The following STAB2 variants were observed in gnomAD, a reference collection of about 807,000 sequenced individuals.
The protein encoded by STAB2 is stabilin 2, also known as stabilin-2.
Under a neutral mutation model 338.1 loss-of-function variants are expected in STAB2, and 288 were observed. That is an observed-to-expected ratio of 0.85 (90% confidence interval 0.77 to 0.94). STAB2 has a LOEUF of 0.94. Ranked by LOEUF, STAB2 falls within the 40% of genes least tolerant of loss-of-function variation. The pLI, the probability that STAB2 is intolerant of heterozygous loss-of-function variation, is 0.00. For synonymous variants in STAB2, 1,202 were observed against 1,193.3 expected, an observed-to-expected ratio of 1.01 and a Z score of -0.15; for missense variants, 3,141 against 3,210.1, an observed-to-expected ratio of 0.98 and a Z score of 0.52.
Position 103,674,058 on chromosome 12 carries a change from CA to C in STAB2, c.2524del (p.Thr842ProfsTer33). The part of the protein sequence containing the change: ...PYVQFCHIHA[T>X]CEYSNGTASC... ...ACGTGCAGTTCTGTCACATCCACGC[CA>C]CCTGTGAATACAGCAATGGGACAGC... On this transcript the variant is annotated frameshift_variant, in exon 23 of 69. Transcript: ENST00000388887. LOFTEE classifies it high-confidence loss of function. The C allele has an allele frequency of 6.2e-7, 1 of 1,613,290 alleles. No homozygotes were observed. Among genetic ancestry groups the C allele is most frequent in the South Asian group, 1.1e-5 (1 of 91,066 alleles).
chr12:103,637,258 C>T (rs1957563293), intron 7 of STAB2, 22 bp downstream of exon 7: 2 of 1,604,616 alleles, frequency 1.2e-6, no homozygotes, highest in African/African-American at 1.3e-5. Flanking sequence ...TTAGATTCTG[C>T]TAGTTTATTC....
chr12:103,664,453 G>A (rs1436685064), intron 18 of STAB2, among the ~76,000 whole-genome samples: 2 of 152,150 alleles, frequency 1.3e-5, no homozygotes, highest in Admixed American at 6.5e-5. Flanking sequence ...CAGTTCAGCC[G>A]GTTTTAATCA....
rs761494097 is a variant in STAB2 at position 103,740,709 on chromosome 12, T to A, written c.5834T>A (p.Ile1945Lys). 1 of 1,606,738 alleles carries A rather than the reference T, an allele frequency of 6.2e-7. No individual in the cohort carries two copies. Among genetic ancestry groups the A allele is most frequent in the South Asian group, 1.1e-5 (1 of 89,662 alleles). Residue 1945 changes from isoleucine to lysine, a missense_variant, in exon 55 of 69, where the codon ATA becomes AAA. Ile to Lys is a moderately radical substitution (Grantham distance 102). Transcript: ENST00000388887. ...EGCRERCSLV[I>K]QIPRCCKGYF... is the part of the protein sequence containing the mutation. The stretch of plus-strand genomic sequence containing the variant: ...TGCCGGGAGCGGTGCAGCCTGGTGA[T>A]ACAGATCCCCAGGTGCTGCAAGGGC...
At chr12:103,747,775 A>T (rs1286554836) in intron 58 of STAB2, among the ~76,000 whole-genome samples, 1 of 152,132 alleles carries the variant, frequency 6.6e-6, no homozygotes. Context: ...TGGGCAGATC[A>T]CTTGAGGTCA....
At chr12:103,754,130 C>G (rs751039134) in intron 61 of STAB2, among the ~76,000 whole-genome samples, 27 of 152,080 alleles carry the variant, frequency 1.8e-4, no homozygotes, top group Non-Finnish European at 3.7e-4. Context: ...CAAATCTCTA[C>G]TTTTTCAGAC....
At chr12:103,714,154 A>AT (rs747092066) in intron 42 of STAB2, among the ~76,000 whole-genome samples, 85 of 151,502 alleles carry the variant, frequency 5.6e-4, no homozygotes, top group South Asian at 1.7e-3. Context: ...GCCTACATGT[A>AT]TTTTTTTTTA....
chr12:103,625,495 A>T (rs1224807874), intron 5 of STAB2, among the ~76,000 whole-genome samples: 4 of 152,284 alleles, frequency 2.6e-5, no homozygotes, highest in African/African-American at 7.2e-5. Context: ...TATCTCCTAA[A>T]GCTATCCCTC....
chr12:103,715,713 G>A (rs556255839), intron 42 of STAB2, 102 bp from the exon 43 acceptor site: 65 of 1,315,918 alleles, frequency 4.9e-5, no homozygotes, highest in Admixed American at 8.9e-5. Context: ...TTTGACACCC[G>A]CTCCCTTCAG....
Position 103,712,321 on chromosome 12 carries a change from G to A in STAB2, c.4335-46G>A, listed in dbSNP as rs116487150. 2,724 of 1,413,876 alleles carry A rather than the reference G, an allele frequency of 1.9e-3. 44 individuals carry two copies. In the African/African-American group the frequency reaches 0.034, roughly 18 times the overall value. 87.6% of individuals were successfully genotyped at this position (1,413,876 alleles called of 1,614,324 possible). ...GGCATTTGTGAGTCATGTGGTGGGA[G>A]GTGGAGTATTTTTCTACAAACCCCA... On this transcript the variant is annotated intron_variant, in intron 40 of 68. Coordinates refer to ENST00000388887, the MANE Select transcript of STAB2 (RefSeq NM_017564.10).
chr12:103,702,486 A>C (rs561277319), intron 34 of STAB2, among the ~76,000 whole-genome samples: 216 of 151,834 alleles, frequency 1.4e-3, no homozygotes, highest in South Asian at 3.1e-3. Context: ...TTTTTAGTAG[A>C]GACGGGGTTT....
In STAB2 at chr12:103,695,620, A is replaced by G. The variant is rs1437291630; in HGVS notation, c.3446A>G (p.Asp1149Gly). 1 of 1,614,206 alleles carries G rather than the reference A, an allele frequency of 6.2e-7. No individual in the cohort carries two copies. Among genetic ancestry groups the G allele is most frequent in the South Asian group, 1.1e-5 (1 of 91,086 alleles). Reference protein sequence around the residue: ...NLLMRLEQMPDYSIFRGYIIQ... With the variant: ...NLLMRLEQMPGYSIFRGYIIQ... Reference sequence around the variant, plus strand: ...CTCATGCGGCTGGAACAGATGCCTGACTATTCCATCTTCCGGGGCTACATC... The same window carrying G: ...CTCATGCGGCTGGAACAGATGCCTGGCTATTCCATCTTCCGGGGCTACATC... The change falls in exon 32 of 69, where the codon GAC (aspartate) becomes GGC (glycine). Residue 1149 changes from aspartate (D) to glycine (G), a missense_variant. Coordinates refer to ENST00000388887, the MANE Select transcript of STAB2 (RefSeq NM_017564.10).
intron 33 of STAB2, among the ~76,000 whole-genome samples, chr12:103,696,442 A>G (rs926727991): frequency 1.3e-4 from 20 of 152,270 alleles, no homozygotes; most frequent in African/African-American, 3.6e-4. Context: ...CCCTTCCCGT[A>G]TAAAAATTCT....
intron 58 of STAB2, 95 bp from the exon 59 acceptor site, chr12:103,748,868 C>A: frequency 7.5e-7 from 1 of 1,332,672 alleles, no homozygotes. Flanking sequence ...TTTACTCACC[C>A]AACACCACTA....
At chr12:103,659,535 C>G (rs1303990545) in intron 15 of STAB2, among the ~76,000 whole-genome samples, 1 of 152,208 alleles carries the variant, frequency 6.6e-6, no homozygotes, top group African/African-American at 2.4e-5. Context: ...GGCTGTGAAG[C>G]TTGTAACTCC....
intron 29 of STAB2, 110 bp downstream of exon 29, chr12:103,690,092 A>T: frequency 6.9e-7 from 1 of 1,452,776 alleles, no homozygotes. Flanking sequence ...CGTGGAGCTG[A>T]ACATGTTCTA....
At chr12:103,647,001 TA>T (rs894510917) in intron 9 of STAB2, among the ~76,000 whole-genome samples, 4 of 152,106 alleles carry the variant, frequency 2.6e-5, no homozygotes, top group African/African-American at 9.7e-5. Flanking sequence ...CATAACAGCC[TA>T]AAAAAAGAAG....
At chr12:103,762,196 G>T in intron 66 of STAB2, 78 bp from the exon 67 acceptor site, 1 of 1,578,818 alleles carries the variant, frequency 6.3e-7, no homozygotes, top group South Asian at 1.2e-5. Context: ...GCTCCAGAAT[G>T]CCTCGGGCCA....
chr12:103,729,752 T>C (rs1881486381), intron 48 of STAB2, among the ~76,000 whole-genome samples: 1 of 152,118 alleles, frequency 6.6e-6, no homozygotes, highest in South Asian at 2.1e-4. Context: ...AGTCCCTCCC[T>C]ACTACAGAGA....
At chr12:103,688,244 G>T (rs369566565) in intron 28 of STAB2, 29 bp downstream of exon 28, 53 of 1,607,852 alleles carry the variant, frequency 3.3e-5, no homozygotes, top group Non-Finnish European at 4.3e-5. Context: ...ACTTAGGATT[G>T]GGAATGTATA....
Sources: allele counts gnomAD v4.1 joint callset (sites outside exome capture counted in the v4.1 genomes callset), GRCh38; gene constraint gnomAD v4.1.1; transcripts MANE v1.5; gene names NCBI Gene and HGNC (gene_info 2026-07-23, HGNC 2026-07-21).